Variants in WDR64 observed in about 807,000 individuals in gnomAD.
WDR64 encodes the protein WD repeat domain 64.
In WDR64, 112 loss-of-function variants were observed where a neutral mutation model predicts 139.3. The ratio of observed to expected loss-of-function variants is 0.80; its 90% CI spans 0.69 to 0.94. WDR64 has a LOEUF of 0.94. Among genes scored for constraint, WDR64 ranks in the 40% least tolerant of loss-of-function variants. The pLI, the probability that WDR64 is intolerant of heterozygous loss-of-function variation, is 0.00. For missense variants in WDR64, 1,206 were observed against 1,293.1 expected (o/e 0.93, Z 1.03); for synonymous variants, 444 against 437.7 (o/e 1.01, Z -0.18).
intron 9 of WDR64, among the ~76,000 whole-genome samples, chr1:241,720,556 G>A (rs747840579): frequency 3.9e-5 from 6 of 152,092 alleles, no homozygotes; most frequent in Non-Finnish European, 5.9e-5. Flanking sequence ...AATGACCAAC[G>A]ATGTTGAGTT....
intron 8 of WDR64, among the ~76,000 whole-genome samples, chr1:241,690,553 T>C (rs986403024): frequency 1.3e-5 from 2 of 152,154 alleles, no homozygotes; most frequent in Non-Finnish European, 2.9e-5. Context: ...TTACTTGTGA[T>C]TTTTCCTCAG....
At chr1:241,793,469 A>C (rs1042251682) in intron 25 of WDR64, among the ~76,000 whole-genome samples, 9 of 152,352 alleles carry the variant, frequency 5.9e-5, no homozygotes, top group South Asian at 2.1e-4. Flanking sequence ...AAACAGGCAG[A>C]AGATCCACAA....
chr1:241,744,250 C>T, intron 12 of WDR64, 143 bp from the exon 13 acceptor site: 2 of 1,021,234 alleles, frequency 2.0e-6, no homozygotes, highest in Non-Finnish European at 2.8e-6. Context: ...TTTGATAAAA[C>T]CAACATTCAG....
chr1:241,694,498 G>T (rs1308507188), intron 8 of WDR64, among the ~76,000 whole-genome samples: 1 of 152,074 alleles, frequency 6.6e-6, no homozygotes, highest in Non-Finnish European at 1.5e-5. Flanking sequence ...ATAATTAACT[G>T]CTAGTGATTA....
intron 4 of WDR64, 126 bp from the exon 5 acceptor site, chr1:241,678,061 G>A (rs1666627923): frequency 7.6e-6 from 3 of 396,528 alleles, no homozygotes; most frequent in Non-Finnish European, 8.9e-6. Context: ...ACAGGGAGGA[G>A]ACTTATGGAA....
chr1:241,702,903 A>G (rs533678018), intron 8 of WDR64, among the ~76,000 whole-genome samples: 3 of 152,318 alleles, frequency 2.0e-5, no homozygotes, highest in South Asian at 2.1e-4. Flanking sequence ...ACTTTATGGC[A>G]AAATCTACAA....
intron 10 of WDR64, among the ~76,000 whole-genome samples, chr1:241,736,538 T>C (rs534726271): frequency 3.5e-4 from 53 of 151,726 alleles, no homozygotes; most frequent in African/African-American, 9.2e-4. Flanking sequence ...TTTTTGGAAA[T>C]GCAAAACACT....
intron 5 of WDR64, 53 bp downstream of exon 5, chr1:241,678,269 G>A (rs1666637139): frequency 1.3e-5 from 5 of 398,538 alleles, no homozygotes; most frequent in Non-Finnish European, 2.2e-5. Context: ...CTATGATGAT[G>A]TTTCCTTCAC....
At chr1:241,788,383 A>G (rs575796824) in intron 24 of WDR64, among the ~76,000 whole-genome samples, 1 of 152,294 alleles carries the variant, frequency 6.6e-6, no homozygotes, top group Non-Finnish European at 1.5e-5. Flanking sequence ...ACAATCTTCA[A>G]TCCTGGTTTT....
At chr1:241,663,818 T>C (rs1665926417) in intron 2 of WDR64, among the ~76,000 whole-genome samples, 2 of 152,272 alleles carry the variant, frequency 1.3e-5, no homozygotes, top group Non-Finnish European at 2.9e-5. Flanking sequence ...ACAGAATATG[T>C]CCATCATTGC....
intron 2 of WDR64, among the ~76,000 whole-genome samples, chr1:241,661,815 C>T (rs978187330): frequency 3.3e-5 from 5 of 152,178 alleles, no homozygotes; most frequent in Admixed American, 1.3e-4. Context: ...CAAACTAAGG[C>T]CTATGGGCCA....
At chr1:241,659,983 G>A (rs1451163395) in intron 1 of WDR64, among the ~76,000 whole-genome samples, 9 of 152,110 alleles carry the variant, frequency 5.9e-5, no homozygotes, top group Non-Finnish European at 2.9e-5. Context: ...ATCTTTGTCT[G>A]TGACTCTGTC....
intron 15 of WDR64, among the ~76,000 whole-genome samples, chr1:241,764,866 C>T (rs149582136): frequency 9.2e-5 from 14 of 152,122 alleles, no homozygotes; most frequent in African/African-American, 3.4e-4. Context: ...GAATGATGAA[C>T]TGAAAAATAG....
chr1:241,696,370 G>T (rs1390820348), intron 8 of WDR64, among the ~76,000 whole-genome samples: 2 of 151,866 alleles, frequency 1.3e-5, no homozygotes, highest in African/African-American at 2.4e-5. Flanking sequence ...AAGGTTCTTG[G>T]ACCTCACGCA....
rs757071212 is a variant in WDR64, at chr1:241,778,486, T to A, written c.2537-1518T>A. Among the ~76,000 whole-genome samples, 91 of 152,330 alleles carry A rather than the reference T, an allele frequency of 6.0e-4. 1 individual carries two copies. In the Middle Eastern group the frequency reaches 0.01, roughly 17 times the overall value. On this transcript the variant is annotated intron_variant, in intron 21 of 27. Coordinates refer to ENST00000437684, the MANE Select transcript of WDR64 (RefSeq NM_001367482.1). The stretch of plus-strand genomic sequence containing the variant: ...TGTTTTAACTGGTGTATTTAGATTG[T>A]TGGCATCTAAAGTAATTGATTATTG...
intron 15 of WDR64, among the ~76,000 whole-genome samples, chr1:241,757,774 G>A (rs868711892): frequency 1.0e-4 from 15 of 149,620 alleles, no homozygotes; most frequent in African/African-American, 3.0e-4. Context: ...ATAAGACACC[G>A]TGCCTGGCCC....
intron 15 of WDR64, 146 bp downstream of exon 15, chr1:241,757,605 C>T (rs1206666044): frequency 1.8e-6 from 1 of 552,616 alleles, no homozygotes; most frequent in Non-Finnish European, 2.9e-6. Flanking sequence ...ACCAAACTTA[C>T]TCCTTATTTC....
chr1:241,674,695 AT>A lies in WDR64; in HGVS notation c.434del (p.Leu145TyrfsTer2). 6.4e-7 allele frequency: 1 copy of A among 1,550,446 alleles called. No homozygotes were observed. Among genetic ancestry groups the A allele is most frequent in the East Asian group, 2.5e-5 (1 of 40,802 alleles). ...IKSIVKIPHL[D>X]LLITATQKGL... ...AGCATTGTCAAGATACCTCACCTGG[AT>A]TTACTAATAACAGCTACTCAGAAAG... On this transcript the variant is annotated frameshift_variant, in exon 4 of 28. Coordinates refer to ENST00000437684, the MANE Select transcript of WDR64 (RefSeq NM_001367482.1). LOFTEE classifies it high-confidence loss of function.
At chr1:241,687,321 A>AAAG in intron 7 of WDR64, 140 bp from the exon 8 acceptor site, 1 of 799,394 alleles carries the variant, frequency 1.3e-6, no homozygotes, top group East Asian at 3.1e-5. Context: ...AAAAAAAAAA[A>AAAG]GGTGTTATAA....
Sources: gnomAD v4.1 joint callset for allele counts (sites outside exome capture counted in the v4.1 genomes callset) on GRCh38, gnomAD v4.1.1 for gene constraint, MANE v1.5 for transcripts, NCBI Gene and HGNC (gene_info 2026-07-23, HGNC 2026-07-21) for gene names.